The following TAFA2 variants were observed in gnomAD, a reference collection of about 807,000 sequenced individuals.
TAFA2 encodes the protein chemokine-like protein TAFA-2.
A neutral mutation model predicts 18.8 loss-of-function variants in TAFA2; 7 were observed. That is an observed-to-expected ratio of 0.37 (90% CI 0.21 to 0.70). TAFA2 has a LOEUF of 0.70. TAFA2 is among the 30% of genes least tolerant of loss of function. TAFA2 has a pLI of 0.53. For synonymous variants in TAFA2, 60 were observed against 54.2 expected (o/e 1.11, Z -0.47); for missense variants, 122 against 158.1 (o/e 0.77, Z 1.23).
In TAFA2 at chr12:61,972,320, A is replaced by G. The variant is rs1462931945; in HGVS notation, c.-1-104894T>C. Among the ~76,000 whole-genome samples, 7 of 138,828 alleles carry G rather than the reference A, an allele frequency of 5.0e-5. No homozygotes were observed. The East Asian group carries it at 1.3e-3, about 26-fold the overall frequency. The allele number at this position is 138,828 out of a possible 152,430, so 91.1% of individuals were successfully genotyped here. A position where few individuals can be genotyped will look rare whatever the true frequency, so the allele number is the denominator to read the frequency against. On this transcript the variant is annotated intron_variant, in intron 1 of 4. Transcript: ENST00000416284. ...AGTTGAACCTTAAAAAAAAAAAAAA[A>G]GATCCAGGTAGCTGGGCCAGACATC... is the stretch of plus-strand genomic sequence containing the variant.
At chr12:61,715,519 T>A (rs1869614953) in intron 4 of TAFA2, among the ~76,000 whole-genome samples, 1 of 151,822 alleles carries the variant, frequency 6.6e-6, no homozygotes, top group Non-Finnish European at 1.5e-5. Context: ...CAGCTAATTT[T>A]TTTGTATTTT....
intron 4 of TAFA2, among the ~76,000 whole-genome samples, chr12:61,714,626 ATTAG>A (rs1184177987): frequency 1.3e-5 from 2 of 152,220 alleles, no homozygotes; most frequent in African/African-American, 2.4e-5. Context: ...CATATATGGT[ATTAG>A]TTAAATTTGA....
intron 1 of TAFA2, among the ~76,000 whole-genome samples, chr12:61,974,244 T>C (rs912849182): frequency 4.0e-5 from 6 of 151,798 alleles, no homozygotes; most frequent in East Asian, 1.9e-4. Context: ...TTTAAGAAAA[T>C]TTAAAAAGAA....
chr12:61,952,588 G>A (rs12320154), intron 1 of TAFA2, among the ~76,000 whole-genome samples: 1 of 151,928 alleles, frequency 6.6e-6, no homozygotes, highest in African/African-American at 2.4e-5. Context: ...AAGACCTTCA[G>A]AACACAGTAC....
At chr12:61,863,482 A>G (rs1025383216) in intron 2 of TAFA2, among the ~76,000 whole-genome samples, 6 of 152,196 alleles carry the variant, frequency 3.9e-5, no homozygotes, top group African/African-American at 1.4e-4. Context: ...TGCTAGCAAA[A>G]AGAGAGGAAA....
chr12:62,008,334 G>A (rs1215681149), intron 1 of TAFA2, among the ~76,000 whole-genome samples: 1 of 151,982 alleles, frequency 6.6e-6, no homozygotes, highest in Non-Finnish European at 1.5e-5. Flanking sequence ...CACATTACTG[G>A]AGTTGATTAA....
At chr12:61,862,888 C>G (rs968935483) in intron 2 of TAFA2, among the ~76,000 whole-genome samples, 1 of 152,158 alleles carries the variant, frequency 6.6e-6, no homozygotes, top group Admixed American at 6.5e-5. Context: ...GCATTTATAT[C>G]ATAAAACATC....
chr12:62,197,959 T>C (rs2062655625), intron 1 of TAFA2, among the ~76,000 whole-genome samples: 2 of 152,202 alleles, frequency 1.3e-5, no homozygotes, highest in Admixed American at 6.5e-5. Flanking sequence ...TGCTCTTGGG[T>C]TACTACCTAG....
intron 3 of TAFA2, 128 bp from the exon 4 acceptor site, chr12:61,753,874 C>G: frequency 1.4e-5 from 9 of 662,822 alleles, no homozygotes; most frequent in Non-Finnish European, 2.1e-5. Flanking sequence ...TGAGGTATGC[C>G]TTTCTTTTTG....
intron 1 of TAFA2, among the ~76,000 whole-genome samples, chr12:62,012,570 T>G (rs1406319918): frequency 6.6e-6 from 1 of 152,136 alleles, no homozygotes; most frequent in Non-Finnish European, 1.5e-5. Context: ...CAAAGCACAA[T>G]AGTAAAAAAG....
rs1341984748 is a variant in TAFA2, at chr12:61,746,270, A to T, written c.384+7352T>A. 3.9e-5 allele frequency among the ~76,000 whole-genome samples: 6 copies of T among 152,038 alleles called. No individual in the cohort carries two copies. The East Asian group carries it at 1.2e-3, about 30-fold the overall frequency. On this transcript the variant is annotated intron_variant, in intron 4 of 4. Transcript: ENST00000416284. ...CATCCTGCCGCCCTGTGAAGAAGGT[A>T]CCTGCTTTTCCTTTGCCTTGTGCCA... is the stretch of plus-strand genomic sequence containing the variant.
intron 2 of TAFA2, among the ~76,000 whole-genome samples, chr12:61,827,477 C>A (rs1872571598): frequency 6.6e-6 from 1 of 151,942 alleles, no homozygotes; most frequent in Non-Finnish European, 1.5e-5. Flanking sequence ...TTTAGTTCTA[C>A]TTTGAAAAGA....
chr12:62,096,728 C>T (rs9669389), intron 1 of TAFA2, among the ~76,000 whole-genome samples: 26,186 of 152,088 alleles, frequency 0.17, 2,580 homozygotes, highest in East Asian at 0.39. Context: ...GGTGGGTAAG[C>T]CAGTGTTGAA....
intron 1 of TAFA2, among the ~76,000 whole-genome samples, chr12:62,200,187 T>A (rs1425170532): frequency 5.9e-5 from 9 of 152,238 alleles, no homozygotes; most frequent in African/African-American, 2.2e-4. Context: ...TGCAAAATTT[T>A]CTCTCATTCT....
At chr12:61,750,065 C>A (rs749888302) in intron 4 of TAFA2, among the ~76,000 whole-genome samples, 1 of 151,624 alleles carries the variant, frequency 6.6e-6, no homozygotes, top group Admixed American at 6.6e-5. Flanking sequence ...TAAATATTTT[C>A]TTTTCTTATA....
At chr12:62,049,843 A>C (rs1365841695) in intron 1 of TAFA2, among the ~76,000 whole-genome samples, 2 of 152,232 alleles carry the variant, frequency 1.3e-5, no homozygotes, top group African/African-American at 4.8e-5. Context: ...TTGCAGAACA[A>C]AGATCAACTC....
Position 62,207,888 on chromosome 12 carries a change from G to GA in TAFA2, c.-130+50874_-130+50875insT, listed in dbSNP as rs2062698732. On this transcript the variant is annotated intron_variant, in intron 1 of 5. Coordinates refer to the TAFA2 transcript ENST00000551619. The stretch of plus-strand genomic sequence containing the variant: ...AGCTTCATGCTGAACCCAGTACTGG[G>GA]CCCTCCCTGTGGTAAGTCAGGTAAC... 2.6e-5 allele frequency among the ~76,000 whole-genome samples: 4 copies of GA among 152,114 alleles called. 1 individual carries two copies. The highest frequency in any genetic ancestry group is 5.9e-5 in the Non-Finnish European group (4 of 68,036).
At chr12:62,084,412 T>C (rs1487187995) in intron 1 of TAFA2, among the ~76,000 whole-genome samples, 1 of 152,172 alleles carries the variant, frequency 6.6e-6, no homozygotes, top group African/African-American at 2.4e-5. Context: ...AGCAGAGCAA[T>C]GCAAAGTCAT....
chr12:62,254,018 C>T (rs1294917563), intron 1 of TAFA2, among the ~76,000 whole-genome samples: 1 of 152,250 alleles, frequency 6.6e-6, no homozygotes, highest in Non-Finnish European at 1.5e-5. Context: ...AGAATACCTT[C>T]ACACAAAAGA....
Sources: gnomAD v4.1 joint callset for allele counts (sites outside exome capture counted in the v4.1 genomes callset) on GRCh38, gnomAD v4.1.1 for gene constraint, MANE v1.5 for transcripts, NCBI Gene and HGNC (gene_info 2026-07-23, HGNC 2026-07-21) for gene names.